The following OSBPL6 variants were observed in gnomAD, a reference collection of about 807,000 sequenced individuals.
OSBPL6 encodes the protein oxysterol binding protein like 6.
OSBPL6 carries 49 observed loss-of-function variants against 125.8 expected under a neutral mutation model. That is an observed-to-expected ratio of 0.39 (90% CI 0.31 to 0.49). The LOEUF (loss-of-function observed/expected upper bound fraction) is 0.49. OSBPL6 is among the 20% of genes least tolerant of loss of function. The pLI is 0.88. For missense variants in OSBPL6, 986 were observed against 1,135.4 expected (o/e 0.87, Z 1.89); for synonymous variants, 394 against 391.8 (o/e 1.01, Z -0.07).
intron 1 of OSBPL6, among the ~76,000 whole-genome samples, chr2:178,254,110 T>C (rs1200741214): frequency 2.0e-5 from 3 of 152,028 alleles, no homozygotes; most frequent in African/African-American, 4.8e-5. Context: ...ATAAATTCCT[T>C]TGGCCGGGTA....
rs745339418 is a variant in OSBPL6, at chr2:178,349,265, C to T, written c.1029C>T (p.Ser343=). ...SATMSPVRLH[S]SNPNLCADIE... The stretch of plus-strand genomic sequence containing the variant: ...CCATGTCACCAGTTCGCTTGCATTC[C>T]TCCAACCCCAACCTTTGTGCAGATA... Residue 343 remains serine, a synonymous_variant, in exon 12 of 25, where the codon TCC becomes TCT. Transcript: ENST00000190611. 7 of 1,614,118 alleles carry T rather than the reference C, an allele frequency of 4.3e-6. No homozygotes were observed. In the Admixed American group the frequency reaches 6.7e-5, roughly 15 times the overall value.
At chr2:178,371,579 T>C (rs545382173) in intron 13 of OSBPL6, among the ~76,000 whole-genome samples, 1 of 152,284 alleles carries the variant, frequency 6.6e-6, no homozygotes, top group East Asian at 1.9e-4. Flanking sequence ...TGCAGCACTG[T>C]CATATATATT....
At chr2:178,359,355 G>A (rs530826170) in intron 12 of OSBPL6, among the ~76,000 whole-genome samples, 10 of 152,164 alleles carry the variant, frequency 6.6e-5, no homozygotes, top group Admixed American at 2.6e-4. Context: ...ACCACTATGC[G>A]CCACCACCTC....
At position 178,385,599 on chromosome 2, in the gene OSBPL6, T is replaced by C. The variant is rs542326032; in HGVS notation, c.2077+78T>C. ...ATCTGGCTTCCAAAGGGACACTGTA[T>C]TCAGTTTAGATTTCTACCTTTGGAA... On this transcript the variant is annotated intron_variant, in intron 19 of 24. Coordinates refer to ENST00000190611, the MANE Select transcript of OSBPL6 (RefSeq NM_032523.4). 6.3e-6 allele frequency: 7 copies of C among 1,109,496 alleles called. No homozygotes were observed. The South Asian group carries it at 9.2e-5, about 15-fold the overall frequency. The allele number at this position is 1,109,496 out of a possible 1,614,324, so 68.7% of individuals were successfully genotyped here.
In OSBPL6 at chr2:178,287,164, A is replaced by C. The variant is rs560035747; in HGVS notation, c.-156+2043A>C. Among the ~76,000 whole-genome samples, 205 of 151,308 alleles carry C rather than the reference A, an allele frequency of 1.4e-3. 2 individuals are homozygous for C. The highest frequency in any genetic ancestry group is 4.2e-3 in the African/African-American group (171 of 40,866). The stretch of plus-strand genomic sequence containing the variant: ...CTTCTTTTTTTAAAAAAAAAAAAAA[A>C]AAAAACAAATTATTTTACTTAAAAA... On this transcript the variant is annotated intron_variant, in intron 2 of 24. Transcript: ENST00000190611.
At chr2:178,278,036 T>C (rs1221515096) in intron 1 of OSBPL6, among the ~76,000 whole-genome samples, 1 of 152,202 alleles carries the variant, frequency 6.6e-6, no homozygotes, top group African/African-American at 2.4e-5. Flanking sequence ...CTTTGTCCCC[T>C]AAGCTCTGAG....
chr2:178,199,953 G>A (rs924894922), intron 1 of OSBPL6, among the ~76,000 whole-genome samples: 2 of 151,860 alleles, frequency 1.3e-5, no homozygotes, highest in Non-Finnish European at 2.9e-5. Flanking sequence ...TTATTGGGTA[G>A]CTAACTGACA....
At chr2:178,350,246 G>A (rs978323647) in intron 12 of OSBPL6, among the ~76,000 whole-genome samples, 2 of 152,172 alleles carry the variant, frequency 1.3e-5, no homozygotes, top group Non-Finnish European at 2.9e-5. Context: ...GATGGACTGA[G>A]CAGTCCTGTC....
At chr2:178,199,965 T>G (rs1172211566) in intron 1 of OSBPL6, among the ~76,000 whole-genome samples, 3 of 152,000 alleles carry the variant, frequency 2.0e-5, no homozygotes, top group African/African-American at 7.2e-5. Flanking sequence ...TAACTGACAA[T>G]TATTTCTCTG....
chr2:178,226,740 T>C (rs1426761944), intron 1 of OSBPL6, among the ~76,000 whole-genome samples: 1 of 152,190 alleles, frequency 6.6e-6, no homozygotes. Context: ...TCTTAAATGT[T>C]AGAAGGAAAA....
intron 1 of OSBPL6, among the ~76,000 whole-genome samples, chr2:178,259,631 A>T (rs567357523): frequency 6.6e-6 from 1 of 152,324 alleles, no homozygotes; most frequent in East Asian, 1.9e-4. Context: ...ACCAAAAAAA[A>T]GTCAGAATTA....
At chr2:178,211,705 G>A (rs1450846261) in intron 1 of OSBPL6, among the ~76,000 whole-genome samples, 2 of 152,248 alleles carry the variant, frequency 1.3e-5, no homozygotes, top group East Asian at 1.9e-4. Flanking sequence ...GTCAGCCACT[G>A]GCCCCAGTCC....
intron 1 of OSBPL6, among the ~76,000 whole-genome samples, chr2:178,247,595 C>T (rs1271831845): frequency 2.0e-5 from 3 of 152,174 alleles, no homozygotes; most frequent in Non-Finnish European, 4.4e-5. Flanking sequence ...CTTCTTCCTT[C>T]ACTGCCACAA....
At chr2:178,366,874 G>A (rs1368975530) in intron 13 of OSBPL6, among the ~76,000 whole-genome samples, 3 of 152,084 alleles carry the variant, frequency 2.0e-5, no homozygotes, top group Non-Finnish European at 2.9e-5. Context: ...TTGTCATTTT[G>A]AACATAATTT....
At position 178,332,868 on chromosome 2, in the gene OSBPL6, T is replaced by C. The variant is rs1689341086; in HGVS notation, c.487-3T>C. On this transcript the variant is annotated splice_region_variant and splice_polypyrimidine_tract_variant and intron_variant, in intron 7 of 24. Transcript: ENST00000190611. ...TACTTTCTCCTCTCGTTCATTGTTT[T>C]AGGTGAAATCCCAGGACTGGTTTGA... 2.5e-6 allele frequency: 4 copies of C among 1,610,288 alleles called. No individual in the cohort carries two copies. Among genetic ancestry groups the C allele is most frequent in the Non-Finnish European group, 3.4e-6 (4 of 1,176,948 alleles).
intron 1 of OSBPL6, among the ~76,000 whole-genome samples, chr2:178,251,158 G>C (rs984376435): frequency 6.6e-6 from 1 of 152,042 alleles, no homozygotes; most frequent in African/African-American, 2.4e-5. Context: ...AGAGCAGAAG[G>C]GGGATCCATG....
rs1408783287 is a variant in OSBPL6, at chr2:178,306,212, C to T, written c.28C>T (p.Pro10Ser). The T allele has an allele frequency of 1.9e-6, 3 of 1,613,708 alleles. No individual in the cohort carries two copies. The highest frequency in any genetic ancestry group is 1.1e-5 in the South Asian group (1 of 91,060). Residue 10 changes from proline to serine, a missense_variant, in exon 3 of 25, where the codon CCT (proline) becomes TCT (serine). Physicochemically the swap from Pro to Ser is moderately conservative, Grantham distance 74 (BLOSUM62 -1). Coordinates refer to ENST00000190611, the MANE Select transcript of OSBPL6 (RefSeq NM_032523.4). MSSDEKGIS[P>S]AHKTSTPTHR... ...GAGTTCAGATGAGAAGGGCATTTCC[C>T]CTGCTCATAAAACATCCACTCCAAC... is the stretch of plus-strand genomic sequence containing the variant.
chr2:178,226,128 G>A (rs915663241), intron 1 of OSBPL6, among the ~76,000 whole-genome samples: 5 of 152,160 alleles, frequency 3.3e-5, no homozygotes, highest in Non-Finnish European at 5.9e-5. Context: ...TAGTCATGGA[G>A]GAGGAAGTGT....
At chr2:178,222,055 A>G (rs538969860) in intron 1 of OSBPL6, among the ~76,000 whole-genome samples, 59 of 152,286 alleles carry the variant, frequency 3.9e-4, no homozygotes, top group Admixed American at 6.5e-4. Context: ...GAAGTCATCA[A>G]CTAAAGAGTC....
Sources: allele counts gnomAD v4.1 joint callset (sites outside exome capture counted in the v4.1 genomes callset), GRCh38; gene constraint gnomAD v4.1.1; transcripts MANE v1.5; gene names NCBI Gene and HGNC (gene_info 2026-07-23, HGNC 2026-07-21).